Variants in APP observed in about 807,000 individuals in gnomAD.
APP encodes the protein amyloid beta precursor protein, also known as amyloid-beta precursor protein.
A neutral mutation model predicts 101.4 loss-of-function variants in APP; 31 were observed. The ratio of observed to expected loss-of-function variants is 0.31; its 90% CI spans 0.23 to 0.41. The LOEUF (loss-of-function observed/expected upper bound fraction) is 0.41, where lower values mean the gene tolerates loss of function less well. APP is among the 10% of genes least tolerant of loss of function. The pLI is 1.00. For missense variants in APP, 839 were observed against 1,003.7 expected, an observed-to-expected ratio of 0.84 and a Z score of 2.22; for synonymous variants, 366 against 364.4, an observed-to-expected ratio of 1.00 and a Z score of -0.05.
At chr21:25,894,911 C>T (rs1485828583) in intron 16 of APP, among the ~76,000 whole-genome samples, 2 of 152,090 alleles carry the variant, frequency 1.3e-5, no homozygotes, top group Admixed American at 1.3e-4. Context: ...ATGCAGCAAA[C>T]TTCATTATTG....
At chr21:26,011,585 C>T (rs2043809279) in intron 6 of APP, among the ~76,000 whole-genome samples, 1 of 152,046 alleles carries the variant, frequency 6.6e-6, no homozygotes, top group African/African-American at 2.4e-5. Context: ...AATTATCTGG[C>T]CCAAAACATC....
At chr21:26,071,333 C>G (rs556272555) in intron 3 of APP, among the ~76,000 whole-genome samples, 1 of 152,068 alleles carries the variant, frequency 6.6e-6, no homozygotes, top group African/African-American at 2.4e-5. Flanking sequence ...TCCAAAGTCA[C>G]GTGAAAGCTC....
intron 16 of APP, among the ~76,000 whole-genome samples, chr21:25,895,860 C>T (rs2038008705): frequency 6.6e-6 from 1 of 152,124 alleles, no homozygotes; most frequent in Non-Finnish European, 1.5e-5. Flanking sequence ...ATGCCTGTGC[C>T]TTTAAGAAAA....
chr21:26,010,225 A>C (rs896223504), intron 6 of APP, among the ~76,000 whole-genome samples: 3 of 152,030 alleles, frequency 2.0e-5, no homozygotes, highest in African/African-American at 4.8e-5. Context: ...AAAAAAAAAA[A>C]AAACAAAACA....
At chr21:26,158,665 T>C (rs1266981638) in intron 1 of APP, among the ~76,000 whole-genome samples, 1 of 152,196 alleles carries the variant, frequency 6.6e-6, no homozygotes, top group Non-Finnish European at 1.5e-5. Context: ...TCAAACTCAT[T>C]AAGGGCATCC....
At chr21:25,971,127 A>C (rs2042016490) in intron 11 of APP, among the ~76,000 whole-genome samples, 1 of 151,834 alleles carries the variant, frequency 6.6e-6, no homozygotes, top group Admixed American at 6.6e-5. Flanking sequence ...GGCTCACTGC[A>C]ACCTCTGCCT....
At chr21:25,885,830 C>T (rs2037286018) in intron 17 of APP, among the ~76,000 whole-genome samples, 1 of 152,176 alleles carries the variant, frequency 6.6e-6, no homozygotes. Context: ...CCATTTAGTC[C>T]TTCACTGTAT....
At chr21:25,895,704 C>T (rs183100677) in intron 16 of APP, among the ~76,000 whole-genome samples, 5 of 152,204 alleles carry the variant, frequency 3.3e-5, no homozygotes, top group Admixed American at 1.3e-4. Context: ...GTGTTTTACT[C>T]GTGGTTTATA....
intron 8 of APP, among the ~76,000 whole-genome samples, chr21:25,994,495 T>G (rs2042980151): frequency 6.6e-6 from 1 of 152,228 alleles, no homozygotes; most frequent in Non-Finnish European, 1.5e-5. Flanking sequence ...AACCTAGAAA[T>G]GCCTGATTTA....
intron 17 of APP, among the ~76,000 whole-genome samples, chr21:25,882,730 T>A (rs375397517): frequency 2.8e-4 from 42 of 152,212 alleles, no homozygotes; most frequent in African/African-American, 1.0e-3. Context: ...TGTAAAACCA[T>A]GGTAAGATGA....
intron 13 of APP, among the ~76,000 whole-genome samples, chr21:25,951,681 A>ATG (rs1401600183): frequency 6.6e-6 from 1 of 152,202 alleles, no homozygotes. Flanking sequence ...ACAAGACATA[A>ATG]CCTGGAAAAA....
At chr21:26,168,134 T>A (rs992869070) in intron 1 of APP, among the ~76,000 whole-genome samples, 1 of 152,156 alleles carries the variant, frequency 6.6e-6, no homozygotes, top group Non-Finnish European at 1.5e-5. Context: ...TAGTGAAACA[T>A]CATATAGATT....
intron 2 of APP, among the ~76,000 whole-genome samples, chr21:26,104,137 G>C (rs1275597632): frequency 6.6e-6 from 1 of 152,078 alleles, no homozygotes; most frequent in Non-Finnish European, 1.5e-5. Flanking sequence ...TTTCTTATAA[G>C]GGCACTAGTT....
intron 3 of APP, among the ~76,000 whole-genome samples, chr21:26,057,192 G>A (rs776807661): frequency 1.3e-5 from 2 of 152,052 alleles, no homozygotes; most frequent in African/African-American, 4.8e-5. Context: ...CCACAGCCAC[G>A]TATACCTTAT....
intron 5 of APP, among the ~76,000 whole-genome samples, chr21:26,035,639 G>A (rs971655283): frequency 2.0e-5 from 3 of 152,126 alleles, no homozygotes; most frequent in African/African-American, 2.4e-5. Flanking sequence ...GGTAAGCCAC[G>A]AACACAACTT....
intron 13 of APP, among the ~76,000 whole-genome samples, chr21:25,939,493 G>T (rs2040488124): frequency 6.6e-6 from 1 of 152,190 alleles, no homozygotes; most frequent in African/African-American, 2.4e-5. Context: ...CCTTAAGATA[G>T]AAAGAAGGCA....
chr21:26,080,769 CAAAA>C (rs58573361), intron 3 of APP, among the ~76,000 whole-genome samples: 1 of 95,838 alleles, frequency 1.0e-5, no homozygotes. Context: ...GACTCTATCT[CAAAA>C]AAAAAAAAAA....
chr21:26,019,902 C>G (rs7280004), intron 6 of APP, among the ~76,000 whole-genome samples: 152,373 of 152,376 alleles, frequency 1, 76,185 homozygotes, highest in Middle Eastern at 1. Context: ...CCTGAGAAAG[C>G]ATGTCTCAGT....
intron 3 of APP, among the ~76,000 whole-genome samples, chr21:26,064,557 G>A (rs968434399): frequency 6.6e-6 from 1 of 151,914 alleles, no homozygotes; most frequent in African/African-American, 2.4e-5. Context: ...ATGTCTCATA[G>A]GGTTTTACTG....
Sources: allele counts gnomAD v4.1 joint callset (sites outside exome capture counted in the v4.1 genomes callset), GRCh38; gene constraint gnomAD v4.1.1; transcripts MANE v1.5; gene names NCBI Gene and HGNC (gene_info 2026-07-23, HGNC 2026-07-21).